CAMTA1: variants seen among roughly 807,000 people sequenced by gnomAD.
The protein encoded by CAMTA1 is calmodulin binding transcription activator 1.
A neutral mutation model predicts 170.9 loss-of-function variants in CAMTA1; 27 were observed. That is an observed-to-expected ratio of 0.16 (90% CI 0.12 to 0.22). CAMTA1 has a LOEUF of 0.22. Among genes scored for constraint, CAMTA1 ranks in the 10% least tolerant of loss-of-function variants. The pLI, the probability that CAMTA1 is intolerant of heterozygous loss-of-function variation, is 1.00. For missense variants in CAMTA1, 1,619 were observed against 2,217.2 expected (o/e 0.73, Z 5.42); for synonymous variants, 833 against 891.5 (o/e 0.93, Z 1.17).
intron 6 of CAMTA1, among the ~76,000 whole-genome samples, chr1:7,594,980 C>T (rs552621156): frequency 1.3e-5 from 2 of 152,092 alleles, no homozygotes; most frequent in Non-Finnish European, 2.9e-5. Context: ...AAGGGTCAGG[C>T]GATGGGGGAT....
intron 5 of CAMTA1, among the ~76,000 whole-genome samples, chr1:7,329,964 A>C (rs769341283): frequency 6.6e-6 from 1 of 152,310 alleles, no homozygotes; most frequent in Non-Finnish European, 1.5e-5. Context: ...GCCCATGCTC[A>C]TGGGTAACAA....
At chr1:6,916,390 C>A (rs185295452) in intron 3 of CAMTA1, among the ~76,000 whole-genome samples, 106 of 152,284 alleles carry the variant, frequency 7.0e-4, no homozygotes, top group Non-Finnish European at 1.3e-3. Flanking sequence ...CTGTAAGGCC[C>A]GCCCCACCTC....
chr1:7,340,544 G>GCCTTCCTCCCTCCCTC lies in CAMTA1; in HGVS notation c.438+90921_438+90922insTCCTCCCTCCCTCCCT, dbSNP rs772743867. On this transcript the variant is annotated intron_variant, in intron 5 of 22. Coordinates refer to ENST00000303635, the MANE Select transcript of CAMTA1 (RefSeq NM_015215.4). ...TGAGCAGCTAATGTGCTGCCTGCCT[G>GCCTTCCTCCCTCCCTC]CCTGCCTGCCTCCCTCCCTCCCTTC... Among the ~76,000 whole-genome samples the GCCTTCCTCCCTCCCTC allele has an allele frequency of 2.3e-4, 24 of 105,486 alleles. 1 individual carries two copies. The highest frequency in any genetic ancestry group is 9.5e-4 in the African/African-American group (24 of 25,286). 69.2% of individuals were successfully genotyped at this position (105,486 alleles called of 152,430 possible). A position where few individuals can be genotyped will look rare whatever the true frequency, so the allele number is the denominator to read the frequency against.
chr1:7,711,414 G>A (rs2149666537), intron 11 of CAMTA1, among the ~76,000 whole-genome samples: 1 of 152,234 alleles, frequency 6.6e-6, no homozygotes, highest in Non-Finnish European at 1.5e-5. Flanking sequence ...AGGGATGAAG[G>A]AAGGGACGCT....
intron 4 of CAMTA1, among the ~76,000 whole-genome samples, chr1:7,209,533 A>G (rs1165804870): frequency 6.6e-6 from 1 of 151,904 alleles, no homozygotes; most frequent in African/African-American, 2.4e-5. Flanking sequence ...GTTTCTTGGC[A>G]CTCTCTTTGA....
chr1:7,342,683 G>A (rs1039215326), intron 5 of CAMTA1, among the ~76,000 whole-genome samples: 2 of 152,322 alleles, frequency 1.3e-5, no homozygotes, highest in East Asian at 1.9e-4. Context: ...AATAAGGGGA[G>A]AATAGGGAAG....
chr1:7,431,565 A>G (rs2092155461), intron 5 of CAMTA1, among the ~76,000 whole-genome samples: 1 of 152,196 alleles, frequency 6.6e-6, no homozygotes, highest in African/African-American at 2.4e-5. Context: ...CGAAGAAGGC[A>G]GCATTCCCAA....
Position 7,664,115 on chromosome 1 carries a change from G to A in CAMTA1, c.1568G>A (p.Ser523Asn), listed in dbSNP as rs1049565367. The A allele has an allele frequency of 6.2e-7, 1 of 1,613,434 alleles. No homozygotes were observed. Among genetic ancestry groups the A allele is most frequent in the Non-Finnish European group, 8.5e-7 (1 of 1,180,034 alleles). Residue 523 changes from serine (S) to asparagine (N), a missense_variant, in exon 9 of 23, where the codon AGC becomes AAC. Around this residue, in one of 8 missense-constraint regions of CAMTA1, gnomAD observed 731 missense variants for 907.6 expected, o/e 0.81. Coordinates refer to ENST00000303635, the MANE Select transcript of CAMTA1 (RefSeq NM_015215.4). ...RHSPPGERSF[S>N]FTTVLTKEIK... Reference sequence around the variant, plus strand: ...TCGCCACCCGGGGAGCGGAGCTTCAGCTTTACCACCGTCCTCACCAAGGAG... The same window carrying A: ...TCGCCACCCGGGGAGCGGAGCTTCAACTTTACCACCGTCCTCACCAAGGAG...
At chr1:7,503,071 C>T (rs888874382) in intron 6 of CAMTA1, among the ~76,000 whole-genome samples, 12 of 152,176 alleles carry the variant, frequency 7.9e-5, no homozygotes, top group Non-Finnish European at 1.5e-4. Context: ...AGCGTCAGGA[C>T]AATGGGGTGG....
At chr1:6,935,980 C>G (rs1035537960) in intron 3 of CAMTA1, among the ~76,000 whole-genome samples, 3 of 152,160 alleles carry the variant, frequency 2.0e-5, no homozygotes, top group African/African-American at 2.4e-5. Context: ...TTTTGTGACT[C>G]GAGGCTGTCG....
rs1413408395 is a variant in CAMTA1, at chr1:6,934,028, A to T, written c.234+108818A>T. On this transcript the variant is annotated intron_variant, in intron 3 of 22. Coordinates refer to ENST00000303635, the MANE Select transcript of CAMTA1 (RefSeq NM_015215.4). This position sits in a 1 kb window ranked among gnomAD's most constrained non-coding sequence, Gnocchi z 4.5. ...CAGCACAAAGCCTGCTGGGATTTTG[A>T]TTGGGATTGAGCCTCACATTGCTCT... Among the ~76,000 whole-genome samples the T allele has an allele frequency of 1.3e-5, 2 of 152,130 alleles. No individual in the cohort carries two copies. The highest frequency in any genetic ancestry group is 4.8e-5 in the African/African-American group (2 of 41,408).
intron 6 of CAMTA1, among the ~76,000 whole-genome samples, chr1:7,488,545 T>A (rs1420653703): frequency 6.6e-6 from 1 of 151,892 alleles, no homozygotes; most frequent in Non-Finnish European, 1.5e-5. Flanking sequence ...TGCACACACA[T>A]ACATCTGTAC....
chr1:7,488,959 A>G (rs2093661595), intron 6 of CAMTA1, among the ~76,000 whole-genome samples: 1 of 152,124 alleles, frequency 6.6e-6, no homozygotes, highest in Non-Finnish European at 1.5e-5. Flanking sequence ...ACACATACAC[A>G]TATACATACA....
chr1:7,679,834 G>A (rs1339561262), intron 11 of CAMTA1, among the ~76,000 whole-genome samples: 1 of 152,224 alleles, frequency 6.6e-6, no homozygotes, highest in Non-Finnish European at 1.5e-5. Context: ...CTCGGCCCAG[G>A]GGCCCTGCAG....
At chr1:6,814,372 A>G (rs990875104) in intron 1 of CAMTA1, among the ~76,000 whole-genome samples, 42 of 152,178 alleles carry the variant, frequency 2.8e-4, no homozygotes, top group African/African-American at 1.0e-3. Flanking sequence ...AATTCTAGCC[A>G]GTGGGGTGAG....
At chr1:6,890,411 G>A (rs1240593406) in intron 3 of CAMTA1, among the ~76,000 whole-genome samples, 1 of 152,152 alleles carries the variant, frequency 6.6e-6, no homozygotes, top group Non-Finnish European at 1.5e-5. Context: ...CACTTCCTGG[G>A]TTAAGGAAGG....
chr1:7,201,734 T>C (rs1421555330), intron 4 of CAMTA1, among the ~76,000 whole-genome samples: 4 of 152,208 alleles, frequency 2.6e-5, no homozygotes, highest in Non-Finnish European at 5.9e-5. Context: ...TTAAATTGGG[T>C]TACCTGTCCT....
At chr1:6,790,373 A>AGT (rs745323931) in intron 1 of CAMTA1, among the ~76,000 whole-genome samples, 137 of 139,944 alleles carry the variant, frequency 9.8e-4, no homozygotes, top group African/African-American at 3.0e-3. Context: ...AGAGAGAGAG[A>AGT]GAGTGTGTGT....
chr1:7,023,660 G>A (rs546075187), intron 3 of CAMTA1, among the ~76,000 whole-genome samples: 11 of 152,232 alleles, frequency 7.2e-5, no homozygotes, highest in African/African-American at 2.6e-4. Context: ...TAATTGCAAT[G>A]AAAACAAAAC....
Sources: gnomAD v4.1 joint callset for allele counts (sites outside exome capture counted in the v4.1 genomes callset) on GRCh38, gnomAD v4.1.1 for gene constraint, gnomAD v4.1.1 regional missense constraint, Gnocchi (gnomAD v3.1) non-coding constraint, MANE v1.5 for transcripts, NCBI Gene and HGNC (gene_info 2026-07-23, HGNC 2026-07-21) for gene names.